Variants in PTPRK observed in about 807,000 individuals in gnomAD.
PTPRK encodes receptor-type tyrosine-protein phosphatase kappa.
Under a neutral mutation model 178.0 loss-of-function variants are expected in PTPRK, and 75 were observed. The observed-to-expected ratio is 0.42, with a 90% CI of 0.35 to 0.51. The LOEUF (loss-of-function observed/expected upper bound fraction) is 0.51. Among genes scored for constraint, PTPRK ranks in the 20% least tolerant of loss-of-function variants. The pLI is 0.02. For synonymous variants in PTPRK, 637 were observed against 620.6 expected, an observed-to-expected ratio of 1.03 and a Z score of -0.39; for missense variants, 1,441 against 1,797.8, an observed-to-expected ratio of 0.80 and a Z score of 3.59.
chr6:128,321,574 A>G (rs1828794552), intron 3 of PTPRK: 1 of 515,144 alleles, frequency 1.9e-6, no homozygotes, highest in East Asian at 3.3e-5. Flanking sequence ...CTCCCCCTTA[A>G]CATAGTTCAT....
chr6:128,096,681 T>A (rs142943735), intron 7 of PTPRK, among the ~76,000 whole-genome samples: 2 of 152,302 alleles, frequency 1.3e-5, no homozygotes, highest in South Asian at 4.1e-4. Flanking sequence ...CGCTGAAGCA[T>A]GACAGGAGCT....
intron 2 of PTPRK, among the ~76,000 whole-genome samples, chr6:128,378,173 T>C (rs1192729784): frequency 6.6e-6 from 1 of 152,138 alleles, no homozygotes; most frequent in Non-Finnish European, 1.5e-5. Context: ...ATTTATGAAC[T>C]AGAAAACAAA....
intron 13 of PTPRK, among the ~76,000 whole-genome samples, chr6:128,017,800 G>GTATATA (rs1383976165): frequency 3.3e-5 from 1 of 30,052 alleles, no homozygotes; most frequent in Non-Finnish European, 6.5e-5. Flanking sequence ...AAATATATAT[G>GTATATA]TGTATATATA....
rs74194875 is a variant in PTPRK, at chr6:127,978,490, G to A, written c.3712-1436C>T. Among the ~76,000 whole-genome samples, 912 of 152,256 alleles carry A rather than the reference G, an allele frequency of 6.0e-3. 25 individuals are homozygous for A. The East Asian group carries it at 0.075, about 13-fold the overall frequency. On this transcript the variant is annotated intron_variant, in intron 25 of 29. Coordinates refer to ENST00000368226, the MANE Select transcript of PTPRK (RefSeq NM_002844.4). ...CGGCCATAATTGCAGGGATCCTGAG[G>A]CCTCCCCAGCCCTGTGGAACTGTGA...
intron 1 of PTPRK, among the ~76,000 whole-genome samples, chr6:128,455,469 C>T (rs562196331): frequency 1.3e-5 from 2 of 152,196 alleles, no homozygotes; most frequent in African/African-American, 2.4e-5. Flanking sequence ...CCTTTTAATA[C>T]TGAAAACAGT....
At chr6:128,363,876 C>T (rs955317657) in intron 2 of PTPRK, among the ~76,000 whole-genome samples, 1 of 152,086 alleles carries the variant, frequency 6.6e-6, no homozygotes, top group Non-Finnish European at 1.5e-5. Context: ...TCTCTTTTTA[C>T]TTGTTGCTTT....
At chr6:128,168,307 T>C (rs1297255633) in intron 7 of PTPRK, among the ~76,000 whole-genome samples, 1 of 152,056 alleles carries the variant, frequency 6.6e-6, no homozygotes. Flanking sequence ...GAACCCTTGT[T>C]CTCTTTTGCA....
chr6:128,295,778 T>C (rs1158037621), intron 3 of PTPRK, among the ~76,000 whole-genome samples: 1 of 152,098 alleles, frequency 6.6e-6, no homozygotes, highest in African/African-American at 2.4e-5. Flanking sequence ...AAAATTAAAT[T>C]TTTAAGATTC....
chr6:128,133,241 A>T (rs988873716), intron 7 of PTPRK, among the ~76,000 whole-genome samples: 2 of 152,228 alleles, frequency 1.3e-5, no homozygotes, highest in Admixed American at 1.3e-4. Context: ...GATGTGACTT[A>T]TAAGATATAA....
intron 7 of PTPRK, among the ~76,000 whole-genome samples, chr6:128,152,822 A>G (rs1320258921): frequency 6.6e-6 from 1 of 152,040 alleles, no homozygotes; most frequent in Non-Finnish European, 1.5e-5. Context: ...TATTAAAATA[A>G]TATCATTTAT....
chr6:128,441,052 C>T (rs1846221054), intron 1 of PTPRK, among the ~76,000 whole-genome samples: 1 of 152,084 alleles, frequency 6.6e-6, no homozygotes, highest in African/African-American at 2.4e-5. Context: ...AAAATCTATG[C>T]TAATATAGAG....
intron 14 of PTPRK, among the ~76,000 whole-genome samples, chr6:128,007,571 T>C (rs1438339914): frequency 6.6e-6 from 1 of 150,986 alleles, no homozygotes; most frequent in East Asian, 1.9e-4. Flanking sequence ...TAGTGATGGT[T>C]TTAGCATACT....
intron 6 of PTPRK, among the ~76,000 whole-genome samples, chr6:128,200,921 G>C (rs1267332964): frequency 1.9e-5 from 2 of 107,720 alleles, no homozygotes; most frequent in Non-Finnish European, 1.9e-5. Context: ...GGGAGGGAGG[G>C]AGGGAGGGGA....
chr6:128,093,726 A>G (rs1787443659), intron 7 of PTPRK, among the ~76,000 whole-genome samples: 1 of 151,754 alleles, frequency 6.6e-6, no homozygotes, highest in Non-Finnish European at 1.5e-5. Flanking sequence ...TTCAATGTTT[A>G]GATCAAGTCA....
chr6:128,033,110 C>T (rs978836595), intron 13 of PTPRK, among the ~76,000 whole-genome samples: 2 of 152,128 alleles, frequency 1.3e-5, no homozygotes, highest in African/African-American at 4.8e-5. Context: ...TCTAGGAGAA[C>T]ATGCTTCTAG....
intron 13 of PTPRK, among the ~76,000 whole-genome samples, chr6:128,044,781 A>G (rs1030303272): frequency 6.6e-6 from 1 of 151,934 alleles, no homozygotes; most frequent in Non-Finnish European, 1.5e-5. Context: ...TCTTCACTGA[A>G]TTATGTATCA....
At chr6:127,982,739 A>C in intron 24 of PTPRK, 92 bp downstream of exon 24, 4 of 1,147,772 alleles carry the variant, frequency 3.5e-6, no homozygotes, top group Non-Finnish European at 5.0e-6. Context: ...AAAGGTTATA[A>C]ATTTGACTTG....
intron 2 of PTPRK, among the ~76,000 whole-genome samples, chr6:128,391,670 A>T (rs1299483921): frequency 6.6e-6 from 1 of 152,098 alleles, no homozygotes; most frequent in Non-Finnish European, 1.5e-5. Context: ...AAAGTGATCC[A>T]CTACTTTTAG....
chr6:128,239,983 G>T, intron 5 of PTPRK, 52 bp downstream of exon 5: 2 of 1,408,914 alleles, frequency 1.4e-6, no homozygotes, highest in African/African-American at 1.4e-5. Context: ...CTGTTGCAAT[G>T]TTTTTAAAAC....
Sources: allele counts gnomAD v4.1 joint callset (sites outside exome capture counted in the v4.1 genomes callset), GRCh38; gene constraint gnomAD v4.1.1; transcripts MANE v1.5; gene names NCBI Gene and HGNC (gene_info 2026-07-23, HGNC 2026-07-21).